The following EYS variants were observed in gnomAD, a reference collection of about 807,000 sequenced individuals.
The protein encoded by EYS is EGF-like photoreceptor maintenance factor.
A neutral mutation model predicts 282.1 loss-of-function variants in EYS; 250 were observed. That is an observed-to-expected ratio of 0.89 (90% CI 0.80 to 0.98). EYS has a LOEUF of 0.98. EYS is among the 50% of genes least tolerant of loss of function. The probability of loss-of-function intolerance (pLI) is 0.00; values close to 1 mark genes in which losing one functional copy is unlikely to be tolerated. For missense variants in EYS, 4,016 were observed against 3,709.0 expected (o/e 1.08, Z -2.15); for synonymous variants, 1,355 against 1,282.9 (o/e 1.06, Z -1.20).
At chr6:65,561,204 C>A (rs1160591535) in intron 2 of EYS, among the ~76,000 whole-genome samples, 2 of 152,124 alleles carry the variant, frequency 1.3e-5, no homozygotes, top group African/African-American at 4.8e-5. Context: ...TCTTAGACTG[C>A]CATCCATAGG....
At chr6:65,009,196 C>T (rs1771786060) in intron 13 of EYS, among the ~76,000 whole-genome samples, 1 of 152,056 alleles carries the variant, frequency 6.6e-6, no homozygotes, top group South Asian at 2.1e-4. Flanking sequence ...GGGATCCCAC[C>T]TCCTTTCCCT....
At chr6:64,622,949 T>C (rs1009815400) in intron 23 of EYS, among the ~76,000 whole-genome samples, 1 of 152,186 alleles carries the variant, frequency 6.6e-6, no homozygotes, top group Non-Finnish European at 1.5e-5. Context: ...CAAATTGCTG[T>C]GAATTACTCA....
intron 28 of EYS, among the ~76,000 whole-genome samples, chr6:64,403,801 G>A (rs28392701): frequency 0.24 from 36,696 of 152,136 alleles, 4,896 homozygotes; most frequent in East Asian, 0.42. Context: ...AGAAGTAGAG[G>A]TGATAAAGCA....
chr6:65,396,676 G>A (rs946498166), intron 7 of EYS, among the ~76,000 whole-genome samples: 1 of 151,996 alleles, frequency 6.6e-6, no homozygotes, highest in African/African-American at 2.4e-5. Context: ...TTAAATCCAT[G>A]TTCGCTAACT....
chr6:64,532,442 G>A (rs941912747), intron 26 of EYS, among the ~76,000 whole-genome samples: 9 of 152,300 alleles, frequency 5.9e-5, no homozygotes, highest in African/African-American at 2.2e-4. Context: ...GGGCGCGGTG[G>A]CTCACGCCTG....
chr6:64,897,662 G>T (rs747495555), intron 18 of EYS, among the ~76,000 whole-genome samples: 1 of 152,042 alleles, frequency 6.6e-6, no homozygotes. Flanking sequence ...TCCTCTGAGC[G>T]AAAAAAGCAT....
In EYS at chr6:63,967,093, A is replaced by G. The variant is rs1766344717; in HGVS notation, c.7055+17290T>C. 2.0e-5 allele frequency among the ~76,000 whole-genome samples: 3 copies of G among 152,328 alleles called. No individual in the cohort carries two copies. The South Asian group carries it at 6.2e-4, about 32-fold the overall frequency. On this transcript the variant is annotated intron_variant, in intron 35 of 42. Coordinates refer to ENST00000503581, the MANE Select transcript of EYS (RefSeq NM_001142800.2). ...TGCCAGCATCACTTTAGGTAAAATA[A>G]GTGTCACTTGAACACGAGTTCTTTG...
intron 16 of EYS, among the ~76,000 whole-genome samples, chr6:64,908,565 T>C (rs1417635839): frequency 6.6e-6 from 1 of 151,538 alleles, no homozygotes; most frequent in Non-Finnish European, 1.5e-5. Context: ...ATGCAGATGA[T>C]TGAAGGGTGG....
At chr6:64,820,566 A>G (rs888159955) in intron 21 of EYS, among the ~76,000 whole-genome samples, 1 of 152,174 alleles carries the variant, frequency 6.6e-6, no homozygotes, top group Admixed American at 6.5e-5. Flanking sequence ...AATAAACACA[A>G]TATCAACAGA....
chr6:64,156,626 T>C (rs1372825033), intron 31 of EYS, among the ~76,000 whole-genome samples: 3 of 152,192 alleles, frequency 2.0e-5, no homozygotes, highest in African/African-American at 7.2e-5. Flanking sequence ...CTGATAGTGA[T>C]ATGGACAAAA....
At chr6:64,927,404 T>C (rs1768552317) in intron 15 of EYS, among the ~76,000 whole-genome samples, 1 of 152,182 alleles carries the variant, frequency 6.6e-6, no homozygotes, top group Non-Finnish European at 1.5e-5. Context: ...TACGAAATCT[T>C]ACTTACCTAG....
chr6:64,726,330 T>G (rs1180268822), intron 22 of EYS, among the ~76,000 whole-genome samples: 1 of 152,170 alleles, frequency 6.6e-6, no homozygotes, highest in Non-Finnish European at 1.5e-5. Context: ...AAAGAATATC[T>G]AATTCATACT....
chr6:64,389,830 T>A (rs601768), intron 28 of EYS, among the ~76,000 whole-genome samples: 1 of 151,844 alleles, frequency 6.6e-6, no homozygotes, highest in African/African-American at 2.4e-5. Flanking sequence ...ACGCAGAAGA[T>A]GGGTGATTTC....
At chr6:64,457,333 C>T (rs1446900906) in intron 26 of EYS, among the ~76,000 whole-genome samples, 2 of 151,960 alleles carry the variant, frequency 1.3e-5, no homozygotes, top group South Asian at 4.1e-4. Context: ...AATGCATACT[C>T]TGCAGATGTT....
chr6:64,418,570 C>A (rs191790220), intron 28 of EYS, among the ~76,000 whole-genome samples: 2 of 152,292 alleles, frequency 1.3e-5, no homozygotes, highest in Admixed American at 1.3e-4. Flanking sequence ...TATGCCTTGG[C>A]ACTGTCATAA....
chr6:64,175,697 G>A (rs896721247), intron 31 of EYS, among the ~76,000 whole-genome samples: 1 of 152,120 alleles, frequency 6.6e-6, no homozygotes. Flanking sequence ...GCACAGGATG[G>A]GCATGAGGTA....
intron 26 of EYS, among the ~76,000 whole-genome samples, chr6:64,539,229 G>C (rs1445452750): frequency 6.6e-6 from 1 of 152,104 alleles, no homozygotes; most frequent in Non-Finnish European, 1.5e-5. Context: ...TAAAAATTAA[G>C]TTAGTAAATT....
At chr6:65,347,288 T>C (rs1211198498) in intron 9 of EYS, among the ~76,000 whole-genome samples, 2 of 151,810 alleles carry the variant, frequency 1.3e-5, no homozygotes, top group African/African-American at 4.8e-5. Context: ...TTAGGGATAC[T>C]CTCTGTGTCT....
intron 26 of EYS, among the ~76,000 whole-genome samples, chr6:64,570,973 A>G (rs1347630746): frequency 6.6e-6 from 1 of 152,202 alleles, no homozygotes; most frequent in African/African-American, 2.4e-5. Context: ...TCAACAGAAT[A>G]TACATTCTTC....
Sources: allele counts gnomAD v4.1 joint callset (sites outside exome capture counted in the v4.1 genomes callset), GRCh38; gene constraint gnomAD v4.1.1; transcripts MANE v1.5; gene names NCBI Gene and HGNC (gene_info 2026-07-23, HGNC 2026-07-21).